Variants in MCFD2 observed in about 807,000 individuals in gnomAD.
MCFD2 encodes the protein multiple coagulation factor deficiency 2, ER cargo receptor complex subunit, also known as multiple coagulation factor deficiency protein 2.
Under a neutral mutation model 12.8 loss-of-function variants are expected in MCFD2, and 11 were observed. The observed-to-expected ratio is 0.86, with a 90% CI of 0.54 to 1.42. The LOEUF is 1.42. Ranked by LOEUF, MCFD2 falls within the 40% of genes most tolerant of loss-of-function variation. MCFD2 has a pLI of 0.00. For synonymous variants in MCFD2, 70 were observed against 68.1 expected, an observed-to-expected ratio of 1.03 and a Z score of -0.14; for missense variants, 191 against 178.6, an observed-to-expected ratio of 1.07 and a Z score of -0.40.
At chr2:46,906,480 T>A (rs1362844027) in intron 3 of MCFD2, among the ~76,000 whole-genome samples, 5 of 136,946 alleles carry the variant, frequency 3.7e-5, no homozygotes, top group African/African-American at 1.4e-4. Flanking sequence ...CGAGGATTTT[T>A]TTTTTTTTTT....
At position 46,905,614 on chromosome 2, in the gene MCFD2, CAAT is replaced by C. The variant is rs768893082; in HGVS notation, c.310-23_310-21del. 32 of 1,529,044 alleles carry C rather than the reference CAAT, an allele frequency of 2.1e-5. No homozygotes were observed. The South Asian group carries it at 3.4e-4, about 16-fold the overall frequency. The allele number at this position is 1,529,044 out of a possible 1,614,324, so 94.7% of individuals were successfully genotyped here. A position where few individuals can be genotyped will look rare whatever the true frequency, so the allele number is the denominator to read the frequency against. On this transcript the variant is annotated intron_variant, in intron 3 of 3. Coordinates refer to ENST00000319466, the MANE Select transcript of MCFD2 (RefSeq NM_139279.6). ...CCCTTCCTACAAAATACAAATTAGA[CAAT>C]GATGAGTTGCGCATTTTACCGGAAG...
chr2:46,939,355 C>T (rs968244331), intron 1 of MCFD2, among the ~76,000 whole-genome samples: 8 of 152,122 alleles, frequency 5.3e-5, no homozygotes, highest in Non-Finnish European at 1.0e-4. Flanking sequence ...TTTTACACCC[C>T]TGAGAAATGT....
At chr2:46,911,978 C>T (rs900756425) in intron 1 of MCFD2, among the ~76,000 whole-genome samples, 3 of 152,132 alleles carry the variant, frequency 2.0e-5, no homozygotes, top group African/African-American at 7.2e-5. Context: ...CCGGTTAATT[C>T]TTATCTCCAC....
rs1670430795 is a variant in MCFD2, at chr2:46,941,832, G to C, written c.-268C>G. ...CTCGGCCGACAGCGGGCGCCTGCCA[G>C]CCCACCGTGCTAGTCTTAAGAGCAG... On this transcript the variant is annotated 5_prime_UTR_variant, in exon 1 of 3. Coordinates refer to the MCFD2 transcript ENST00000409147. The surrounding 1 kb of genome is among the most constrained non-coding windows in gnomAD (Gnocchi z 4.2). 1 of 1,409,548 alleles carries C rather than the reference G, an allele frequency of 7.1e-7. No individual in the cohort carries two copies. The allele number at this position is 1,409,548 out of a possible 1,614,324, so 87.3% of individuals were successfully genotyped here.
intron 3 of MCFD2, among the ~76,000 whole-genome samples, chr2:46,906,571 G>A (rs914516926): frequency 1.5e-5 from 2 of 136,368 alleles, no homozygotes; most frequent in Non-Finnish European, 3.0e-5. Context: ...CTGCAGCCTC[G>A]ACCTCCCAGG....
Position 46,909,110 on chromosome 2 carries a change from G to A in MCFD2, c.62C>T (p.Ala21Val). The change falls in exon 2 of 4, where the codon GCC becomes GTC. Residue 21 changes from alanine to valine, a missense_variant. Physicochemically the swap from Ala to Val is moderately conservative, Grantham distance 64. Coordinates refer to ENST00000319466, the MANE Select transcript of MCFD2 (RefSeq NM_139279.6). ...AGGCTCCTCAGCCCTGGCGCCTGGG[G>A]CACAAAAGGCCCAGAGCAGGCCACA... ...FLCGLLWAFC[A>V]PGARAEEPAA... 6.2e-7 allele frequency: 1 copy of A among 1,614,230 alleles called. No individual in the cohort carries two copies. The highest frequency in any genetic ancestry group is 8.5e-7 in the Non-Finnish European group (1 of 1,180,046).
intron 1 of MCFD2, among the ~76,000 whole-genome samples, chr2:46,914,493 G>T (rs988009796): frequency 6.6e-6 from 1 of 152,198 alleles, no homozygotes; most frequent in Non-Finnish European, 1.5e-5. Flanking sequence ...CGGACTGAGG[G>T]TTGAGAATTG....
At chr2:46,934,973 G>A (rs1337400838) in intron 1 of MCFD2, among the ~76,000 whole-genome samples, 1 of 151,582 alleles carries the variant, frequency 6.6e-6, no homozygotes, top group Non-Finnish European at 1.5e-5. Flanking sequence ...GCTAATTTTT[G>A]TATTTTTAGT....
chr2:46,934,076 A>C (rs1338931240), intron 1 of MCFD2, among the ~76,000 whole-genome samples: 1 of 152,222 alleles, frequency 6.6e-6, no homozygotes, highest in Non-Finnish European at 1.5e-5. Flanking sequence ...GAATGTCATA[A>C]TAATCATCCA....
Position 46,909,067 on chromosome 2 carries a change from T to A in MCFD2, c.105A>T (p.Gln35His), listed in dbSNP as rs376476823. 2 of 1,613,954 alleles carry A rather than the reference T, an allele frequency of 1.2e-6. No individual in the cohort carries two copies. Among genetic ancestry groups the A allele is most frequent in the Non-Finnish European group, 1.7e-6 (2 of 1,180,022 alleles). The change falls in exon 2 of 4, where the codon CAA becomes CAT. Residue 35 changes from glutamine (Q) to histidine (H), a missense_variant. By Grantham distance (24) the Gln-to-His change is conservative (BLOSUM62 0). Transcript: ENST00000319466. ...RAEEPAASFS[Q>H]PGSMGLDKNT... ...TCTTATCCAGGCCCATGCTGCCGGG[T>A]TGGGAGAAGCTGGCTGCAGGCTCCT...
At chr2:46,927,405 G>A (rs1317375590) in intron 1 of MCFD2, among the ~76,000 whole-genome samples, 2 of 147,724 alleles carry the variant, frequency 1.4e-5, no homozygotes, top group African/African-American at 5.0e-5. Context: ...TGCCCAGGCT[G>A]GAGTGCAGTG....
rs1050114183 is a variant in MCFD2, at chr2:46,902,239, T to C, written c.*3224A>G. 1 of 152,622 alleles carries C rather than the reference T, an allele frequency of 6.6e-6. No homozygotes were observed. The highest frequency in any genetic ancestry group is 2.4e-5 in the African/African-American group (1 of 41,444). 9.5% of individuals were successfully genotyped at this position (152,622 alleles called of 1,614,324 possible). The stretch of plus-strand genomic sequence containing the variant: ...TTTTTTGGGTTCCTTTTCTAATCTT[T>C]CCTGATTTGAAAAGAATCCATGTAT... On this transcript the variant is annotated 3_prime_UTR_variant, in exon 4 of 4. Transcript: ENST00000319466.
chr2:46,917,051 G>A, upstream of MCFD2: 2 of 592,552 alleles, frequency 3.4e-6, no homozygotes, highest in Non-Finnish European at 3.0e-6. Context: ...GTAGTTAGAT[G>A]CCTTGAAAGT....
intron 1 of MCFD2, among the ~76,000 whole-genome samples, chr2:46,926,911 C>T (rs956752508): frequency 2.6e-5 from 4 of 151,790 alleles, no homozygotes; most frequent in Non-Finnish European, 5.9e-5. Context: ...CTAAAAGCTA[C>T]AAAAAGTAAC....
chr2:46,933,580 A>G (rs557036718), intron 1 of MCFD2, among the ~76,000 whole-genome samples: 11 of 152,330 alleles, frequency 7.2e-5, no homozygotes, highest in African/African-American at 2.6e-4. Context: ...CAGTATTGAA[A>G]TTAAGTAAGA....
At chr2:46,927,949 A>C in intron 1 of MCFD2, among the ~76,000 whole-genome samples, 1 of 121,132 alleles carries the variant, frequency 8.3e-6, no homozygotes, top group South Asian at 2.6e-4. Flanking sequence ...GCTGGAGTAT[A>C]GTGGCACGGT....
chr2:46,934,061 G>T (rs1669844287), intron 1 of MCFD2, among the ~76,000 whole-genome samples: 1 of 152,144 alleles, frequency 6.6e-6, no homozygotes, highest in African/African-American at 2.4e-5. Context: ...TGATGAAGGC[G>T]AGGAGAATGT....
rs1478151622 is a variant in MCFD2 at position 46,903,072 on chromosome 2, G to A, written c.*2391C>T. The A allele has an allele frequency of 6.6e-6, 1 of 152,220 alleles. No homozygotes were observed. Among genetic ancestry groups the A allele is most frequent in the Admixed American group, 6.5e-5 (1 of 15,274 alleles). 9.4% of individuals were successfully genotyped at this position (152,220 alleles called of 1,614,324 possible). ...GTATCTCCCAGAATTCCCACGTGTT[G>A]TGGGACAGACCCAGGGGGAGGTAAT... On this transcript the variant is annotated 3_prime_UTR_variant, in exon 4 of 4. Transcript: ENST00000319466.
chr2:46,908,627 C>G lies in MCFD2; in HGVS notation c.149+396G>C, dbSNP rs1268727285. The stretch of plus-strand genomic sequence containing the variant: ...AACTGGCCCAAGACAAAAGCTGCAA[C>G]AAATGATTCAATGTTTGAATGTGTT... On this transcript the variant is annotated intron_variant, in intron 2 of 3. Coordinates refer to ENST00000319466, the MANE Select transcript of MCFD2 (RefSeq NM_139279.6). The surrounding 1 kb of genome is among the most constrained non-coding windows in gnomAD (Gnocchi z 4.5). 3.2e-6 allele frequency: 1 copy of G among 312,878 alleles called. No individual in the cohort carries two copies. The highest frequency in any genetic ancestry group is 2.2e-5 in the African/African-American group (1 of 45,944). The allele number at this position is 312,878 out of a possible 1,614,324, so 19.4% of individuals were successfully genotyped here. A position where few individuals can be genotyped will look rare whatever the true frequency, so the allele number is the denominator to read the frequency against.
Sources: allele counts gnomAD v4.1 joint callset (sites outside exome capture counted in the v4.1 genomes callset), GRCh38; gene constraint gnomAD v4.1.1; non-coding constraint Gnocchi (gnomAD v3.1); transcripts MANE v1.5; gene names NCBI Gene and HGNC (gene_info 2026-07-23, HGNC 2026-07-21).